The following SCTR variants were observed in gnomAD, a reference collection of about 807,000 sequenced individuals.
SCTR encodes the protein secretin receptor.
SCTR carries 56 observed loss-of-function variants against 60.8 expected under a neutral mutation model. The observed-to-expected ratio is 0.92, with a 90% confidence interval of 0.74 to 1.15. The LOEUF is 1.15. Ranked by LOEUF, SCTR falls within the 50% of genes most tolerant of loss-of-function variation. SCTR has a pLI of 0.00. For synonymous variants in SCTR, 202 were observed against 217.0 expected (o/e 0.93, Z 0.61); for missense variants, 562 against 550.4 (o/e 1.02, Z -0.21).
At chr2:119,475,878 G>C (rs2104839142) in intron 3 of SCTR, among the ~76,000 whole-genome samples, 1 of 152,052 alleles carries the variant, frequency 6.6e-6, no homozygotes, top group African/African-American at 2.4e-5. Flanking sequence ...AAGAGAAAGA[G>C]GGCCAAGGGG....
chr2:119,500,087 A>G (rs1439966627), intron 1 of SCTR, among the ~76,000 whole-genome samples: 1 of 152,200 alleles, frequency 6.6e-6, no homozygotes, highest in Non-Finnish European at 1.5e-5. Context: ...GGCAGCAGGT[A>G]TATGAAAAAT....
intron 11 of SCTR, among the ~76,000 whole-genome samples, chr2:119,446,468 T>C (rs770745701): frequency 4.0e-4 from 61 of 152,180 alleles, no homozygotes; most frequent in Non-Finnish European, 1.6e-4. Flanking sequence ...ATTTTGACCA[T>C]GTATATGTTA....
intron 1 of SCTR, among the ~76,000 whole-genome samples, chr2:119,513,732 G>A (rs2104945965): frequency 6.6e-6 from 1 of 152,172 alleles, no homozygotes; most frequent in East Asian, 1.9e-4. Flanking sequence ...ACACATCAGA[G>A]CTGTACTTCA....
In SCTR at chr2:119,461,739, A is replaced by C. The variant is rs1004056702; in HGVS notation, c.790+108T>G. On this transcript the variant is annotated intron_variant, in intron 7 of 12. Transcript: ENST00000019103. ...AAAAAAAAAAAAAAAAAAAGATTACACAAGTTAGTTAAGTGTGGAGCTGGA... is the reference window on the plus strand; with the variant it reads ...AAAAAAAAAAAAAAAAAAAGATTACCCAAGTTAGTTAAGTGTGGAGCTGGA... 27 of 763,328 alleles carry C rather than the reference A, an allele frequency of 3.5e-5. No homozygotes were observed. In the African/African-American group the frequency reaches 4.9e-4, roughly 14 times the overall value. The allele number at this position is 763,328 out of a possible 1,614,324, so 47.3% of individuals were successfully genotyped here. A position where few individuals can be genotyped will look rare whatever the true frequency, so the allele number is the denominator to read the frequency against.
chr2:119,503,786 T>C (rs1678639570), intron 1 of SCTR, among the ~76,000 whole-genome samples: 2 of 152,194 alleles, frequency 1.3e-5, no homozygotes, highest in Non-Finnish European at 2.9e-5. Context: ...TATTGTAAAC[T>C]ATGAACTTTA....
intron 3 of SCTR, among the ~76,000 whole-genome samples, chr2:119,478,539 C>A (rs1677441877): frequency 6.6e-6 from 1 of 152,180 alleles, no homozygotes; most frequent in African/African-American, 2.4e-5. Flanking sequence ...GAGCTCCTAG[C>A]TGAAGGGCCT....
At chr2:119,518,989 C>A (rs569047049) in intron 1 of SCTR, among the ~76,000 whole-genome samples, 7 of 151,834 alleles carry the variant, frequency 4.6e-5, no homozygotes, top group Admixed American at 2.6e-4. Flanking sequence ...TTTTTTGAGA[C>A]GGAGTTTTGC....
At chr2:119,514,987 G>C (rs1679068344) in intron 1 of SCTR, among the ~76,000 whole-genome samples, 1 of 152,206 alleles carries the variant, frequency 6.6e-6, no homozygotes, top group Admixed American at 6.5e-5. Context: ...CGCTTCAAGG[G>C]GGGAAAGGAA....
intron 7 of SCTR, among the ~76,000 whole-genome samples, chr2:119,456,373 A>G (rs1465994308): frequency 6.6e-6 from 1 of 152,090 alleles, no homozygotes; most frequent in African/African-American, 2.4e-5. Flanking sequence ...AGCTTGTTTT[A>G]TGTCCAGCAA....
At chr2:119,469,943 C>G (rs1233797526) in intron 4 of SCTR, among the ~76,000 whole-genome samples, 1 of 152,234 alleles carries the variant, frequency 6.6e-6, no homozygotes, top group Non-Finnish European at 1.5e-5. Flanking sequence ...TTTAGATCAT[C>G]TGTCACAGAC....
chr2:119,478,536 T>C (rs2104848472), intron 3 of SCTR, among the ~76,000 whole-genome samples: 1 of 152,270 alleles, frequency 6.6e-6, no homozygotes, highest in Middle Eastern at 3.4e-3. Flanking sequence ...AGAGAGCTCC[T>C]AGCTGAAGGG....
intron 1 of SCTR, among the ~76,000 whole-genome samples, chr2:119,518,328 G>A (rs999526934): frequency 6.6e-6 from 1 of 152,198 alleles, no homozygotes; most frequent in African/African-American, 2.4e-5. Context: ...TTGGGAAATG[G>A]AAGGTGAGCC....
rs199993745 is a variant in SCTR, at chr2:119,440,152, G to C, written c.1288C>G (p.Gln430Glu). 6.2e-7 allele frequency: 1 copy of C among 1,614,060 alleles called. No homozygotes were observed. The highest frequency in any genetic ancestry group is 8.5e-7 in the Non-Finnish European group (1 of 1,179,986). The change falls in exon 13 of 13, where the codon CAG becomes GAG. Residue 430 changes from glutamine to glutamate, a missense_variant. By Grantham distance (29) the Gln-to-Glu change is conservative. Coordinates refer to ENST00000019103, the MANE Select transcript of SCTR (RefSeq NM_002980.3). ...CTGGTCCTGCAGGTGCCCTGGCTCT[G>C]CTCCAAGTGGCTGGCCTTGGTGCTG... Reference protein sequence around the residue: ...SNSTKASHLEQSQGTCRTSII With the variant: ...SNSTKASHLEESQGTCRTSII
intron 1 of SCTR, among the ~76,000 whole-genome samples, chr2:119,519,180 T>C (rs756871760): frequency 6.6e-6 from 1 of 152,070 alleles, no homozygotes; most frequent in Non-Finnish European, 1.5e-5. Context: ...GTCGGACTGG[T>C]CTCAGACTGG....
chr2:119,492,043 G>A (rs1678151935), intron 2 of SCTR, among the ~76,000 whole-genome samples: 1 of 152,206 alleles, frequency 6.6e-6, no homozygotes, highest in Non-Finnish European at 1.5e-5. Flanking sequence ...TGGAGACACT[G>A]GAGAGTGTCA....
At chr2:119,472,296 C>T (rs1024458428) in intron 4 of SCTR, among the ~76,000 whole-genome samples, 2 of 152,116 alleles carry the variant, frequency 1.3e-5, no homozygotes, top group Admixed American at 1.3e-4. Context: ...ATGGATGGGC[C>T]CGAGGGGAGT....
At chr2:119,474,623 G>A (rs560539253) in intron 3 of SCTR, among the ~76,000 whole-genome samples, 1 of 152,300 alleles carries the variant, frequency 6.6e-6, no homozygotes, top group Admixed American at 6.5e-5. Context: ...GCTGAGCGTG[G>A]CATGCTTCTT....
In SCTR at chr2:119,524,339, C is replaced by G. The variant is rs1679385801; in HGVS notation, c.-113G>C. 2 of 665,126 alleles carry G rather than the reference C, an allele frequency of 3.0e-6. No homozygotes were observed. Among genetic ancestry groups the G allele is most frequent in the Admixed American group, 4.4e-5 (1 of 22,722 alleles). The allele number at this position is 665,126 out of a possible 1,614,324, so 41.2% of individuals were successfully genotyped here. On this transcript the variant is annotated 5_prime_UTR_variant, in exon 1 of 13. Coordinates refer to ENST00000019103, the MANE Select transcript of SCTR (RefSeq NM_002980.3). ...CCGGGCTCCGGCCGGCCGCTGCGCC[C>G]CGAGGAGCCATGGCTGAGCCACCCG...
chr2:119,455,308 C>CT (rs1186921363), intron 7 of SCTR, among the ~76,000 whole-genome samples: 1 of 152,220 alleles, frequency 6.6e-6, no homozygotes, highest in Non-Finnish European at 1.5e-5. Flanking sequence ...TCCAGTGTCC[C>CT]TTGAGAGACA....
Sources: allele counts gnomAD v4.1 joint callset (sites outside exome capture counted in the v4.1 genomes callset), GRCh38; gene constraint gnomAD v4.1.1; transcripts MANE v1.5; gene names NCBI Gene and HGNC (gene_info 2026-07-23, HGNC 2026-07-21).